DNER: variants seen among roughly 807,000 people sequenced by gnomAD.
DNER encodes delta and Notch-like epidermal growth factor-related receptor.
DNER carries 33 observed loss-of-function variants against 78.2 expected under a neutral mutation model. That is an observed-to-expected ratio of 0.42 (90% CI 0.32 to 0.56). DNER has a LOEUF of 0.56. DNER is among the 20% of genes least tolerant of loss of function. DNER has a pLI of 0.11. For missense variants in DNER, 918 were observed against 975.3 expected (o/e 0.94, Z 0.78); for synonymous variants, 417 against 384.8 (o/e 1.08, Z -0.98).
Position 229,588,413 on chromosome 2 carries a change from G to A in DNER, c.661C>T (p.Pro221Ser). ...AGGRLVSFEV[P>S]QNTSVKIRQD... ...TCTTACTTGACTGAGGTGTTCTGTG[G>A]CACTTCAAAGGATACCAGGCGGCCA... Residue 221 changes from proline (P) to serine (S), a missense_variant, in exon 3 of 13, where the codon CCA (proline) becomes TCA (serine). Transcript: ENST00000341772. The A allele has an allele frequency of 3.7e-6, 6 of 1,608,020 alleles. No homozygotes were observed. Among genetic ancestry groups the A allele is most frequent in the Non-Finnish European group, 5.1e-6 (6 of 1,176,822 alleles).
intron 5 of DNER, among the ~76,000 whole-genome samples, chr2:229,528,741 A>G (rs549405969): frequency 2.0e-5 from 3 of 152,334 alleles, no homozygotes; most frequent in South Asian, 4.1e-4. Flanking sequence ...GGAAACACAA[A>G]TAAGGCCTTC....
chr2:229,518,461 C>T (rs572157466), intron 5 of DNER, among the ~76,000 whole-genome samples: 10 of 152,270 alleles, frequency 6.6e-5, no homozygotes, highest in Non-Finnish European at 1.2e-4. Flanking sequence ...TGTGTAAGTG[C>T]TATAAAGAAG....
chr2:229,418,183 C>T lies in DNER; in HGVS notation c.1534G>A (p.Ala512Thr), dbSNP rs145498600. 3.5e-5 allele frequency: 56 copies of T among 1,613,918 alleles called. No homozygotes were observed. Among genetic ancestry groups the T allele is most frequent in the South Asian group, 2.6e-4 (24 of 91,082 alleles). The stretch of plus-strand genomic sequence containing the variant: ...CAGGTGGCTGCATTCAGGCATGGAG[C>T]GGAGAGGCACTCATTATATTCCTCC... Reference protein sequence around the residue: ...CEEEYNECLSAPCLNAATCRD... With the variant: ...CEEEYNECLSTPCLNAATCRD... The change falls in exon 9 of 13, where the codon GCT becomes ACT. Residue 512 changes from alanine to threonine, a missense_variant. Ala to Thr is a moderately conservative substitution (Grantham distance 58, BLOSUM62 0). Coordinates refer to ENST00000341772, the MANE Select transcript of DNER (RefSeq NM_139072.4).
intron 12 of DNER, 145 bp downstream of exon 12, chr2:229,366,728 A>G: frequency 7.8e-7 from 1 of 1,283,448 alleles, no homozygotes; most frequent in East Asian, 2.4e-5. Context: ...TGGTCGAATG[A>G]TCTATCCCCA....
At chr2:229,461,933 G>T (rs1374516196) in intron 7 of DNER, among the ~76,000 whole-genome samples, 1 of 152,094 alleles carries the variant, frequency 6.6e-6, no homozygotes, top group Non-Finnish European at 1.5e-5. Context: ...GCAGCCAAGA[G>T]ATTTCAAACA....
chr2:229,538,391 T>A (rs566181155), intron 5 of DNER, among the ~76,000 whole-genome samples: 2 of 152,130 alleles, frequency 1.3e-5, no homozygotes, highest in East Asian at 3.9e-4. Flanking sequence ...TGACACAGAG[T>A]TTTGTTCTTG....
intron 11 of DNER, among the ~76,000 whole-genome samples, chr2:229,378,447 C>A (rs989373872): frequency 2.0e-5 from 3 of 152,144 alleles, no homozygotes; most frequent in African/African-American, 7.2e-5. Flanking sequence ...GCAGGGATGA[C>A]CTTGACCTGC....
chr2:229,555,254 G>T (rs1304736859), intron 4 of DNER, among the ~76,000 whole-genome samples: 1 of 152,116 alleles, frequency 6.6e-6, no homozygotes, highest in Admixed American at 6.5e-5. Flanking sequence ...TGGGAAGTAA[G>T]GAAATTAACA....
At chr2:229,609,913 C>T (rs1396238452) in intron 1 of DNER, among the ~76,000 whole-genome samples, 1 of 152,194 alleles carries the variant, frequency 6.6e-6, no homozygotes, top group Non-Finnish European at 1.5e-5. Flanking sequence ...AATTATATCA[C>T]TGATTCAGCC....
chr2:229,630,742 T>C (rs909047121), intron 1 of DNER, among the ~76,000 whole-genome samples: 1 of 152,058 alleles, frequency 6.6e-6, no homozygotes, highest in Non-Finnish European at 1.5e-5. Context: ...ATCACCCAGG[T>C]AGTGAGCATA....
intron 12 of DNER, among the ~76,000 whole-genome samples, chr2:229,361,845 A>G (rs574761648): frequency 6.7e-6 from 1 of 149,500 alleles, no homozygotes; most frequent in Non-Finnish European, 1.5e-5. Context: ...ATTCTTGTTA[A>G]GTAAAAAAAA....
intron 1 of DNER, among the ~76,000 whole-genome samples, chr2:229,700,284 A>ATGTGTGTGTGTGTG (rs74181354): frequency 3.1e-3 from 114 of 36,574 alleles, no homozygotes; most frequent in African/African-American, 7.1e-3. Context: ...ATGTCAATAT[A>ATGTGTGTGTGTGTG]TGTGTGTGTG....
At chr2:229,518,428 A>AAAT (rs1241378244) in intron 5 of DNER, among the ~76,000 whole-genome samples, 1 of 152,244 alleles carries the variant, frequency 6.6e-6, no homozygotes, top group Non-Finnish European at 1.5e-5. Context: ...GAGGGACAAC[A>AAAT]AATATATAGT....
intron 5 of DNER, among the ~76,000 whole-genome samples, chr2:229,515,161 T>C (rs908588817): frequency 1.3e-5 from 2 of 152,226 alleles, no homozygotes; most frequent in East Asian, 3.8e-4. Flanking sequence ...TTTTTCATCA[T>C]GTTTTGAGTT....
At chr2:229,436,750 G>A (rs1373009173) in intron 8 of DNER, among the ~76,000 whole-genome samples, 1 of 152,198 alleles carries the variant, frequency 6.6e-6, no homozygotes, top group African/African-American at 2.4e-5. Flanking sequence ...CAAATGTTAG[G>A]GGAATTTGTC....
chr2:229,678,602 A>G (rs1462115991), intron 1 of DNER, among the ~76,000 whole-genome samples: 1 of 152,190 alleles, frequency 6.6e-6, no homozygotes, highest in African/African-American at 2.4e-5. Context: ...TGTGTGTTGC[A>G]AAAGCTAGAC....
chr2:229,413,515 G>A (rs1022902448), intron 9 of DNER, among the ~76,000 whole-genome samples: 29 of 150,932 alleles, frequency 1.9e-4, no homozygotes, highest in Admixed American at 1.5e-3. Context: ...TAGAGATGGG[G>A]TTTCACCATG....
chr2:229,395,498 C>A (rs921669916), intron 10 of DNER, among the ~76,000 whole-genome samples: 1 of 152,108 alleles, frequency 6.6e-6, no homozygotes. Flanking sequence ...TTTGGGGGAC[C>A]CAGGATTCAG....
chr2:229,508,751 A>G (rs1187987746), intron 6 of DNER, among the ~76,000 whole-genome samples: 2 of 151,924 alleles, frequency 1.3e-5, no homozygotes, highest in South Asian at 2.1e-4. Flanking sequence ...CGTGGTGGCA[A>G]GCACCTGTAG....
Sources: gnomAD v4.1 joint callset for allele counts (sites outside exome capture counted in the v4.1 genomes callset) on GRCh38, gnomAD v4.1.1 for gene constraint, MANE v1.5 for transcripts, NCBI Gene and HGNC (gene_info 2026-07-23, HGNC 2026-07-21) for gene names.